The following PTPRD variants were observed in gnomAD, a reference collection of about 807,000 sequenced individuals.
The protein encoded by PTPRD is receptor-type tyrosine-protein phosphatase delta.
In PTPRD, 34 loss-of-function variants were observed where a neutral mutation model predicts 214.5. The ratio of observed to expected loss-of-function variants is 0.16; its 90% CI spans 0.12 to 0.21. The LOEUF (loss-of-function observed/expected upper bound fraction) is 0.21, where lower values mean the gene tolerates loss of function less well. PTPRD is among the 10% of genes least tolerant of loss of function. The pLI is 1.00. For missense variants in PTPRD, 2,545 were observed against 2,398.7 expected, an observed-to-expected ratio of 1.06 and a Z score of -1.27; for synonymous variants, 1,128 against 845.7, an observed-to-expected ratio of 1.33 and a Z score of -5.79.
chr9:8,889,549 T>C (rs1315872471), intron 11 of PTPRD, among the ~76,000 whole-genome samples: 1 of 152,172 alleles, frequency 6.6e-6, no homozygotes, highest in Non-Finnish European at 1.5e-5. Context: ...TTGGAGACTT[T>C]GGTGAACTCA....
intron 4 of PTPRD, among the ~76,000 whole-genome samples, chr9:9,981,146 A>G (rs1005002735): frequency 6.6e-6 from 1 of 152,198 alleles, no homozygotes; most frequent in African/African-American, 2.4e-5. Context: ...AACATCTAAT[A>G]CAATTTTACT....
intron 8 of PTPRD, among the ~76,000 whole-genome samples, chr9:9,523,225 T>G (rs907389752): frequency 3.9e-5 from 6 of 152,154 alleles, no homozygotes; most frequent in Non-Finnish European, 7.4e-5. Flanking sequence ...TAATTGGTAC[T>G]TTAGGCAAAG....
intron 6 of PTPRD, among the ~76,000 whole-genome samples, chr9:9,738,437 CACTT>C (rs948244885): frequency 4.2e-5 from 3 of 71,964 alleles, no homozygotes; most frequent in African/African-American, 3.4e-4. Context: ...TTCACTCACT[CACTT>C]TTTTTTTTTT....
At chr9:10,304,664 A>G (rs771081262) in intron 3 of PTPRD, among the ~76,000 whole-genome samples, 1 of 152,172 alleles carries the variant, frequency 6.6e-6, no homozygotes, top group Non-Finnish European at 1.5e-5. Context: ...CACAATTTTT[A>G]CAAAGAGAAA....
intron 3 of PTPRD, among the ~76,000 whole-genome samples, chr9:10,115,444 A>G (rs1365114916): frequency 1.3e-5 from 2 of 152,072 alleles, no homozygotes; most frequent in Non-Finnish European, 2.9e-5. Context: ...ATAATTTGAG[A>G]ACTACTAGTT....
At chr9:10,588,096 A>T (rs1387638809) in intron 2 of PTPRD, among the ~76,000 whole-genome samples, 3 of 152,084 alleles carry the variant, frequency 2.0e-5, no homozygotes, top group African/African-American at 7.2e-5. Flanking sequence ...AGGGAATAAG[A>T]TGACTGATTT....
chr9:9,706,035 T>C (rs1429750212), intron 7 of PTPRD, among the ~76,000 whole-genome samples: 1 of 152,136 alleles, frequency 6.6e-6, no homozygotes, highest in East Asian at 1.9e-4. Flanking sequence ...TCTTGCAAAT[T>C]AATCATGAGG....
At chr9:8,492,799 A>G (rs1317133620) in intron 27 of PTPRD, 63 bp downstream of exon 27, 2 of 1,213,998 alleles carry the variant, frequency 1.6e-6, no homozygotes, top group Non-Finnish European at 2.4e-6. Flanking sequence ...GCTAGAAGCT[A>G]CCTATACCAT....
intron 7 of PTPRD, among the ~76,000 whole-genome samples, chr9:9,673,252 T>C (rs775633347): frequency 3.3e-5 from 5 of 151,982 alleles, no homozygotes; most frequent in African/African-American, 4.8e-5. Context: ...ATTTTCATTA[T>C]TCCACCATTG....
chr9:9,220,319 T>TTTTTAA lies in PTPRD; in HGVS notation c.-202-36957_-202-36956insTTAAAA, dbSNP rs1555012243. Among the ~76,000 whole-genome samples, 533 of 148,604 alleles carry TTTTTAA rather than the reference T, an allele frequency of 3.6e-3. 2 individuals carry two copies. Among genetic ancestry groups the TTTTTAA allele is most frequent in the Non-Finnish European group, 5.6e-3 (375 of 67,284 alleles). On this transcript the variant is annotated intron_variant, in intron 9 of 45. Transcript: ENST00000381196. Reference sequence around the variant, plus strand: ...AATAAACTTGCTTTTGCTTTTTTTTTAAAAGCACTATCTAGAAGGCTTCAT... The same window carrying TTTTTAA: ...AATAAACTTGCTTTTGCTTTTTTTTTTTTTAAAAAAGCACTATCTAGAAGGCTTCAT...
intron 8 of PTPRD, among the ~76,000 whole-genome samples, chr9:9,517,969 T>G (rs142498791): frequency 1.6e-3 from 244 of 152,172 alleles, no homozygotes; most frequent in Non-Finnish European, 2.7e-3. Flanking sequence ...TATTAATTTT[T>G]GGGTTTCTGT....
chr9:9,542,158 C>A (rs1263479878), intron 8 of PTPRD, among the ~76,000 whole-genome samples: 1 of 151,664 alleles, frequency 6.6e-6, no homozygotes, highest in Non-Finnish European at 1.5e-5. Flanking sequence ...AGAACACAAT[C>A]TACTGCTATC....
At chr9:10,479,025 A>C (rs1046375571) in intron 2 of PTPRD, among the ~76,000 whole-genome samples, 7 of 152,182 alleles carry the variant, frequency 4.6e-5, no homozygotes, top group Non-Finnish European at 1.0e-4. Context: ...AAACTTTTCA[A>C]ACATTACACA....
intron 2 of PTPRD, among the ~76,000 whole-genome samples, chr9:10,561,275 A>C (rs2063900567): frequency 1.3e-5 from 2 of 152,302 alleles, no homozygotes; most frequent in East Asian, 3.9e-4. Flanking sequence ...TCGTTTTATA[A>C]GATGGAAACA....
rs146209140 is a variant in PTPRD at position 9,760,599 on chromosome 9, TACACACACACACACACACACACACACAC to T, written c.-326+6183_-326+6210del. Among the ~76,000 whole-genome samples, 770 of 107,886 alleles carry T rather than the reference TACACACACACACACACACACACACACAC, an allele frequency of 7.1e-3. 5 individuals are homozygous for T. The highest frequency in any genetic ancestry group is 0.018 in the Admixed American group (174 of 9,506). 70.8% of individuals were successfully genotyped at this position (107,886 alleles called of 152,430 possible). On this transcript the variant is annotated intron_variant, in intron 6 of 45. Coordinates refer to ENST00000381196, the MANE Select transcript of PTPRD (RefSeq NM_002839.4). ...CCCCATCATCTTTACTCAGCTATCA[TACACACACACACACACACACACACACAC>T]ACACACACACACACACACACACACA... is the stretch of plus-strand genomic sequence containing the variant.
chr9:10,127,962 T>C (rs1393167429), intron 3 of PTPRD, among the ~76,000 whole-genome samples: 1 of 152,142 alleles, frequency 6.6e-6, no homozygotes, highest in Non-Finnish European at 1.5e-5. Context: ...AAAACTCTGC[T>C]TTTTATCCAT....
chr9:9,325,521 G>A (rs1315198467), intron 9 of PTPRD, among the ~76,000 whole-genome samples: 3 of 152,192 alleles, frequency 2.0e-5, no homozygotes, highest in Non-Finnish European at 2.9e-5. Flanking sequence ...AGGAATGCTT[G>A]TTATTTTTGC....
chr9:8,638,189 G>C (rs1693755041), intron 12 of PTPRD, among the ~76,000 whole-genome samples: 1 of 148,460 alleles, frequency 6.7e-6, no homozygotes, highest in African/African-American at 2.5e-5. Flanking sequence ...TCATTGAAAA[G>C]TGGTTTTAAA....
At chr9:8,821,283 C>G (rs1022299099) in intron 11 of PTPRD, among the ~76,000 whole-genome samples, 1 of 152,078 alleles carries the variant, frequency 6.6e-6, no homozygotes, top group African/African-American at 2.4e-5. Context: ...ACCTCTCTCT[C>G]TCTCTGTCTC....
Sources: gnomAD v4.1 joint callset for allele counts (sites outside exome capture counted in the v4.1 genomes callset) on GRCh38, gnomAD v4.1.1 for gene constraint, MANE v1.5 for transcripts, NCBI Gene and HGNC (gene_info 2026-07-23, HGNC 2026-07-21) for gene names.